STX8: variants seen among roughly 807,000 people sequenced by gnomAD.
The protein encoded by STX8 is syntaxin-8.
STX8 carries 23 observed loss-of-function variants against 37.5 expected under a neutral mutation model. The observed-to-expected ratio is 0.61, with a 90% CI of 0.44 to 0.87. STX8 has a LOEUF of 0.87. STX8 is among the 40% of genes least tolerant of loss of function. The pLI, the probability that STX8 is intolerant of heterozygous loss-of-function variation, is 0.00. For synonymous variants in STX8, 115 were observed against 99.1 expected, an observed-to-expected ratio of 1.16 and a Z score of -0.95; for missense variants, 313 against 284.7, an observed-to-expected ratio of 1.10 and a Z score of -0.71.
chr17:9,374,197 T>G (rs1487658494), intron 7 of STX8, among the ~76,000 whole-genome samples: 1 of 151,686 alleles, frequency 6.6e-6, no homozygotes, highest in Non-Finnish European at 1.5e-5. Context: ...TTCTCCTGCC[T>G]CAGCTTCCCA....
chr17:9,505,873 C>T (rs1452647652), intron 4 of STX8, among the ~76,000 whole-genome samples: 3 of 143,974 alleles, frequency 2.1e-5, no homozygotes, highest in East Asian at 4.1e-4. Flanking sequence ...ACCTGAGAGG[C>T]GGAGGTTGCA....
intron 5 of STX8, among the ~76,000 whole-genome samples, chr17:9,501,127 A>G (rs553223342): frequency 2.0e-5 from 3 of 152,338 alleles, no homozygotes; most frequent in African/African-American, 7.2e-5. Context: ...TAGTGTTAAA[A>G]TATCAATTCT....
intron 6 of STX8, among the ~76,000 whole-genome samples, chr17:9,487,599 T>C (rs549355512): frequency 6.6e-6 from 1 of 152,244 alleles, no homozygotes; most frequent in Non-Finnish European, 1.5e-5. Context: ...CCAGCATAGC[T>C]GCCTTCTCTC....
intron 6 of STX8, among the ~76,000 whole-genome samples, chr17:9,396,106 G>A (rs1912392977): frequency 7.2e-6 from 1 of 138,340 alleles, no homozygotes; most frequent in African/African-American, 2.6e-5. Flanking sequence ...AGAAAAGAAA[G>A]AAAAGAAAAG....
chr17:9,560,118 G>T (rs1462004934), intron 2 of STX8, among the ~76,000 whole-genome samples: 1 of 151,152 alleles, frequency 6.6e-6, no homozygotes, highest in Non-Finnish European at 1.5e-5. Flanking sequence ...AAACAGTAGA[G>T]GCCAGGTGTG....
Position 9,298,128 on chromosome 17 carries a change from T to C in STX8, c.644-47483A>G, listed in dbSNP as rs79443540. Among the ~76,000 whole-genome samples, 792 of 148,690 alleles carry C rather than the reference T, an allele frequency of 5.3e-3. 8 individuals carry two copies. Among genetic ancestry groups the C allele is most frequent in the African/African-American group, 0.019 (750 of 40,140 alleles). On this transcript the variant is annotated intron_variant, in intron 7 of 7. Coordinates refer to ENST00000306357, the MANE Select transcript of STX8 (RefSeq NM_004853.3). ...GTCAGCCTCCTCCTCCGTTCCCATT[T>C]AAAATGGAAATGTCACTGGCTGGGA...
At position 9,559,764 on chromosome 17, in the gene STX8, T is replaced by A. The variant is rs370158409; in HGVS notation, c.118-2236A>T. Among the ~76,000 whole-genome samples, 42 of 50,832 alleles carry A rather than the reference T, an allele frequency of 8.3e-4. 1 individual carries two copies. Among genetic ancestry groups the A allele is most frequent in the Admixed American group, 1.3e-3 (6 of 4,582 alleles). The allele number at this position is 50,832 out of a possible 152,430, so 33.3% of individuals were successfully genotyped here. On this transcript the variant is annotated intron_variant, in intron 2 of 7. Transcript: ENST00000306357. ...TATATATATATATATATATATATTTTTTTTTTTTTTTTTTTTGAGACAGAG... is the reference window on the plus strand; with the variant it reads ...TATATATATATATATATATATATTTATTTTTTTTTTTTTTTTGAGACAGAG...
chr17:9,373,715 G>A (rs911691599), intron 7 of STX8, among the ~76,000 whole-genome samples: 1 of 152,108 alleles, frequency 6.6e-6, no homozygotes, highest in African/African-American at 2.4e-5. Context: ...CGAGGAGGGT[G>A]GATCACCCGA....
chr17:9,271,385 C>T (rs1279079852), intron 7 of STX8, among the ~76,000 whole-genome samples: 1 of 152,150 alleles, frequency 6.6e-6, no homozygotes, highest in South Asian at 2.1e-4. Context: ...ACCCAGGAAG[C>T]GGACGTTGCA....
At chr17:9,338,825 A>C (rs1910229413) in intron 7 of STX8, among the ~76,000 whole-genome samples, 1 of 152,122 alleles carries the variant, frequency 6.6e-6, no homozygotes. Context: ...TAATCCCAGC[A>C]CTTTGGGAGG....
chr17:9,324,942 T>G (rs1597605192), intron 7 of STX8, among the ~76,000 whole-genome samples: 1 of 152,100 alleles, frequency 6.6e-6, no homozygotes, highest in Non-Finnish European at 1.5e-5. Flanking sequence ...AGAAACTGAA[T>G]TTTGAATTTT....
At chr17:9,434,130 A>T (rs561165028) in intron 6 of STX8, among the ~76,000 whole-genome samples, 10 of 152,176 alleles carry the variant, frequency 6.6e-5, no homozygotes, top group Admixed American at 6.5e-4. Flanking sequence ...CAGCCTCCTG[A>T]GTAGCTGGGA....
At chr17:9,441,584 T>C (rs943303354) in intron 6 of STX8, among the ~76,000 whole-genome samples, 1 of 151,772 alleles carries the variant, frequency 6.6e-6, no homozygotes, top group African/African-American at 2.4e-5. Flanking sequence ...GACTGCTACT[T>C]CACAACACCC....
Position 9,399,658 on chromosome 17 carries a change from G to C in STX8, c.542-21005C>G, listed in dbSNP as rs1247462178. ...AGGCAGGCAGATCACCTGAGGTCAAGAGTTCGAGACCAGCCTGACTAACAT... is the reference window on the plus strand; with the variant it reads ...AGGCAGGCAGATCACCTGAGGTCAACAGTTCGAGACCAGCCTGACTAACAT... On this transcript the variant is annotated intron_variant, in intron 6 of 7. Transcript: ENST00000306357. Among the ~76,000 whole-genome samples the C allele has an allele frequency of 2.0e-5, 3 of 152,156 alleles. No individual in the cohort carries two copies. In the East Asian group the frequency reaches 5.8e-4, roughly 29 times the overall value.
chr17:9,495,919 G>A (rs1377056170), intron 5 of STX8, among the ~76,000 whole-genome samples: 3 of 152,168 alleles, frequency 2.0e-5, no homozygotes, highest in Non-Finnish European at 4.4e-5. Flanking sequence ...TGGGCATGGT[G>A]GTGTGCGCCT....
chr17:9,368,373 G>T (rs979148179), intron 7 of STX8, among the ~76,000 whole-genome samples: 1 of 152,082 alleles, frequency 6.6e-6, no homozygotes, highest in Non-Finnish European at 1.5e-5. Context: ...GCCTGGTGGG[G>T]GGTGCCTGCA....
intron 6 of STX8, among the ~76,000 whole-genome samples, chr17:9,483,214 T>C (rs7221982): frequency 0.2 from 30,598 of 151,954 alleles, 3,238 homozygotes; most frequent in Non-Finnish European, 0.24. Context: ...GAAGAATCCA[T>C]TTCCTGGCTT....
chr17:9,457,702 G>A (rs1905220924), intron 6 of STX8, among the ~76,000 whole-genome samples: 1 of 152,224 alleles, frequency 6.6e-6, no homozygotes, highest in African/African-American at 2.4e-5. Context: ...TGATCATAAG[G>A]TACTAATTAG....
At chr17:9,485,945 A>C (rs890907331) in intron 6 of STX8, among the ~76,000 whole-genome samples, 27 of 152,216 alleles carry the variant, frequency 1.8e-4, no homozygotes, top group African/African-American at 6.3e-4. Flanking sequence ...ACAGAAAAAC[A>C]GAGGGAAGGA....
Sources: gnomAD v4.1 joint callset for allele counts (sites outside exome capture counted in the v4.1 genomes callset) on GRCh38, gnomAD v4.1.1 for gene constraint, MANE v1.5 for transcripts, NCBI Gene and HGNC (gene_info 2026-07-23, HGNC 2026-07-21) for gene names.